SNED1: variants seen among roughly 807,000 people sequenced by gnomAD.
The protein encoded by SNED1 is sushi, nidogen and EGF like domains 1, also known as sushi, nidogen and EGF-like domain-containing protein 1.
Under a neutral mutation model 166.7 loss-of-function variants are expected in SNED1, and 81 were observed. That is an observed-to-expected ratio of 0.49 (90% CI 0.41 to 0.58). SNED1 has a LOEUF of 0.58. SNED1 is among the 20% of genes least tolerant of loss of function. The pLI is 0.00. For missense variants in SNED1, 1,604 were observed against 2,000.2 expected, an observed-to-expected ratio of 0.80 and a Z score of 3.78; for synonymous variants, 762 against 822.0, an observed-to-expected ratio of 0.93 and a Z score of 1.25.
chr2:241,033,620 T>C (rs1185837624), intron 2 of SNED1, 115 bp from the exon 3 acceptor site: 1 of 1,230,446 alleles, frequency 8.1e-7, no homozygotes, highest in Non-Finnish European at 1.1e-6. Flanking sequence ...GACACAGACA[T>C]TGAGCAAGCC....
chr2:241,071,474 C>A, intron 24 of SNED1, 102 bp from the exon 25 acceptor site: 1 of 1,392,348 alleles, frequency 7.2e-7, no homozygotes, highest in Non-Finnish European at 9.8e-7. Context: ...CTTCCCTTCT[C>A]CAAGCACGGC....
At chr2:241,016,744 G>A (rs1447093585) in intron 1 of SNED1, among the ~76,000 whole-genome samples, 1 of 151,720 alleles carries the variant, frequency 6.6e-6, no homozygotes, top group Admixed American at 6.6e-5. Context: ...TGGACCTAGA[G>A]TTTCTTGCTG....
At chr2:241,031,975 G>A (rs538952155) in intron 2 of SNED1, among the ~76,000 whole-genome samples, 5 of 152,294 alleles carry the variant, frequency 3.3e-5, no homozygotes, top group South Asian at 4.1e-4. Flanking sequence ...AGCCCAAGTC[G>A]CCTTATGCAT....
In SNED1 at chr2:241,027,803, G is replaced by A. The variant is rs558630337; in HGVS notation, c.214-2481G>A. Among the ~76,000 whole-genome samples, 57 of 150,226 alleles carry A rather than the reference G, an allele frequency of 3.8e-4. 1 individual carries two copies. The highest frequency in any genetic ancestry group is 2.1e-3 in the Admixed American group (31 of 15,092). ...GGCTGGAGTGCAGTGGCACGATCTC[G>A]GCTCACTGCAAGCTCCGCCTCCCGG... On this transcript the variant is annotated intron_variant, in intron 1 of 31. Coordinates refer to ENST00000310397, the MANE Select transcript of SNED1 (RefSeq NM_001080437.3).
chr2:241,000,444 C>A (rs1229287929), intron 1 of SNED1, among the ~76,000 whole-genome samples: 2 of 152,162 alleles, frequency 1.3e-5, no homozygotes, highest in Non-Finnish European at 2.9e-5. Flanking sequence ...CCTGGAAGTA[C>A]GAAGTGGGTA....
intron 29 of SNED1, among the ~76,000 whole-genome samples, chr2:241,084,611 C>CTG (rs1297329078): frequency 6.6e-6 from 1 of 152,202 alleles, no homozygotes; most frequent in Non-Finnish European, 1.5e-5. Flanking sequence ...TCCACATATG[C>CTG]TGTGAACTGC....
chr2:241,088,529 G>A (rs2063701820), intron 31 of SNED1, 127 bp downstream of exon 31: 3 of 765,294 alleles, frequency 3.9e-6, no homozygotes, highest in East Asian at 4.9e-5. Context: ...GCGCGGTCCT[G>A]TGCTGCTGTG....
rs1344019853 is a variant in SNED1, at chr2:241,068,807, C to T, written c.3195-104C>T. ...GCCTGGGCCACCAGCAGCAGGATGACCTCCCCGCAGTCACCTCCTGCCTGG... is the reference window on the plus strand; with the variant it reads ...GCCTGGGCCACCAGCAGCAGGATGATCTCCCCGCAGTCACCTCCTGCCTGG... On this transcript the variant is annotated intron_variant, in intron 22 of 31. Coordinates refer to ENST00000310397, the MANE Select transcript of SNED1 (RefSeq NM_001080437.3). This position sits in a 1 kb window ranked among gnomAD's most constrained non-coding sequence, Gnocchi z 5.3. 6.6e-6 allele frequency: 5 copies of T among 753,052 alleles called. No homozygotes were observed. In the African/African-American group the frequency reaches 7.1e-5, roughly 11 times the overall value. The allele number at this position is 753,052 out of a possible 1,614,324, so 46.6% of individuals were successfully genotyped here.
chr2:241,060,382 C>T lies in SNED1; in HGVS notation c.2258-2409C>T, dbSNP rs553418627. Among the ~76,000 whole-genome samples the T allele has an allele frequency of 7.2e-4, 109 of 152,248 alleles. 1 individual carries two copies. The highest frequency in any genetic ancestry group is 2.6e-3 in the African/African-American group (109 of 41,546). ...ATTCCTAATAGAGACGGGGTTTCACCATGTTGGCCAGGCTGGTCTTGAACT... is the reference window on the plus strand; with the variant it reads ...ATTCCTAATAGAGACGGGGTTTCACTATGTTGGCCAGGCTGGTCTTGAACT... On this transcript the variant is annotated intron_variant, in intron 16 of 31. Coordinates refer to ENST00000310397, the MANE Select transcript of SNED1 (RefSeq NM_001080437.3).
chr2:241,038,210 G>A (rs1227270449), intron 6 of SNED1, among the ~76,000 whole-genome samples: 10 of 152,110 alleles, frequency 6.6e-5, no homozygotes, highest in Admixed American at 2.0e-4. Context: ...TGTGACAGTC[G>A]CTTACAAAAA....
rs982467569 is a variant in SNED1 at position 241,068,115 on chromosome 2, G to A, written c.3194+168G>A. On this transcript the variant is annotated intron_variant, in intron 22 of 31. Transcript: ENST00000310397. The surrounding 1 kb of genome is among the most constrained non-coding windows in gnomAD (Gnocchi z 5.3). ...AGGTGAGCCAGCCTCAGACCCTGGA[G>A]GCTTCACTCCCGCCTCACCTCATCA... Among the ~76,000 whole-genome samples the A allele has an allele frequency of 6.6e-6, 1 of 152,138 alleles. No homozygotes were observed. Among genetic ancestry groups the A allele is most frequent in the Non-Finnish European group, 1.5e-5 (1 of 68,016 alleles).
intron 20 of SNED1, 53 bp downstream of exon 20, chr2:241,065,010 C>T: frequency 7.4e-7 from 1 of 1,347,636 alleles, no homozygotes; most frequent in Admixed American, 2.5e-5. Flanking sequence ...TCCCCTCTCC[C>T]TAGAGGGCCC....
Position 241,073,149 on chromosome 2 carries a change from G to T in SNED1, c.3818-117G>T. 1.4e-6 allele frequency: 1 copy of T among 727,964 alleles called. No individual in the cohort carries two copies. Among genetic ancestry groups the T allele is most frequent in the Non-Finnish European group, 2.3e-6 (1 of 439,970 alleles). The allele number at this position is 727,964 out of a possible 1,614,324, so 45.1% of individuals were successfully genotyped here. A position where few individuals can be genotyped will look rare whatever the true frequency, so the allele number is the denominator to read the frequency against. On this transcript the variant is annotated intron_variant, in intron 26 of 31. Coordinates refer to ENST00000310397, the MANE Select transcript of SNED1 (RefSeq NM_001080437.3). This position sits in a 1 kb window ranked among gnomAD's most constrained non-coding sequence, Gnocchi z 6.6. ...GTGCTGGGGCCACGCAGGGAGCCTG[G>T]TCCCCACCAGGGACATCCGTGCTCC...
In SNED1 at chr2:241,070,181, C is replaced by T. The variant is rs2062635732; in HGVS notation, c.3569C>T (p.Ala1190Val). Residue 1190 changes from alanine to valine, a missense_variant, in exon 24 of 32, where the codon GCC (alanine) becomes GTC (valine). Physicochemically the swap from Ala to Val is moderately conservative, Grantham distance 64. Coordinates refer to ENST00000310397, the MANE Select transcript of SNED1 (RefSeq NM_001080437.3). ...TELGPQHSEP[A>V]HLYIITSPRD... The stretch of plus-strand genomic sequence containing the variant: ...CTCGGGCCGCAGCACAGCGAGCCCG[C>T]CCACCTCTACATCATCACCTGTGAG... 1.2e-6 allele frequency: 2 copies of T among 1,604,800 alleles called. No individual in the cohort carries two copies. The highest frequency in any genetic ancestry group is 4.5e-5 in the East Asian group (2 of 44,554).
At chr2:241,024,032 T>C (rs2060856069) in intron 1 of SNED1, among the ~76,000 whole-genome samples, 1 of 148,554 alleles carries the variant, frequency 6.7e-6, no homozygotes, top group African/African-American at 2.5e-5. Context: ...ACTACAGGCA[T>C]GTGCCACCAC....
In SNED1 at chr2:241,040,074, G is replaced by T. The variant is rs1172949074; in HGVS notation, c.1046-1G>T. On this transcript the variant is annotated splice_acceptor_variant, in intron 6 of 31. Coordinates refer to ENST00000310397, the MANE Select transcript of SNED1 (RefSeq NM_001080437.3). LOFTEE classifies it high-confidence loss of function. ...GTCCTGTCTACACCTCCTCACTCTA[G>T]CCCAATCCCCCTGTGACACCAAAGA... The T allele has an allele frequency of 3.8e-6, 6 of 1,573,706 alleles. No individual in the cohort carries two copies. The highest frequency in any genetic ancestry group is 1.4e-5 in the African/African-American group (1 of 73,964).
chr2:241,030,302 ATC>A lies in SNED1; in HGVS notation c.235_236del (p.Ser79LeufsTer110). The part of the protein sequence containing the change: ...SGLYVNNNGI[I>X]SFLKEVSQFT... ...CTCCCAGGTGAACAACAACGGGATC[ATC>A]TCCTTCCTGAAGGAGGTTTCTCAGT... On this transcript the variant is annotated frameshift_variant, in exon 2 of 32. Transcript: ENST00000310397. LOFTEE classifies it high-confidence loss of function. 6.3e-7 allele frequency: 1 copy of A among 1,594,516 alleles called. No homozygotes were observed. Among genetic ancestry groups the A allele is most frequent in the Non-Finnish European group, 8.6e-7 (1 of 1,168,566 alleles).
intron 17 of SNED1, among the ~76,000 whole-genome samples, chr2:241,063,146 AGGT>A (rs1164746553): frequency 1.3e-5 from 2 of 152,222 alleles, no homozygotes; most frequent in African/African-American, 4.8e-5. Context: ...GGCGCAGAGA[AGGT>A]GGGCGTCGGA....
chr2:241,081,465 T>A (rs574695310), intron 27 of SNED1, among the ~76,000 whole-genome samples: 46 of 152,336 alleles, frequency 3.0e-4, no homozygotes, highest in African/African-American at 1.1e-3. Flanking sequence ...CCGAGCACAC[T>A]GCGGCCTGTC....
Sources: allele counts gnomAD v4.1 joint callset (sites outside exome capture counted in the v4.1 genomes callset), GRCh38; gene constraint gnomAD v4.1.1; non-coding constraint Gnocchi (gnomAD v3.1); transcripts MANE v1.5; gene names NCBI Gene and HGNC (gene_info 2026-07-23, HGNC 2026-07-21).